The following RBFOX1 variants were observed in gnomAD, a reference collection of about 807,000 sequenced individuals.
RBFOX1 encodes the protein RNA binding fox-1 homolog 1, also known as RNA binding protein fox-1 homolog 1.
In RBFOX1, 8 loss-of-function variants were observed where a neutral mutation model predicts 57.7. That is an observed-to-expected ratio of 0.14 (90% CI 0.08 to 0.25). The LOEUF (loss-of-function observed/expected upper bound fraction) is 0.25. Among genes scored for constraint, RBFOX1 ranks in the 10% least tolerant of loss-of-function variants. The pLI is 1.00. For synonymous variants in RBFOX1, 326 were observed against 222.4 expected (o/e 1.47, Z -4.15); for missense variants, 611 against 548.5 (o/e 1.11, Z -1.14).
intron 2 of RBFOX1, among the ~76,000 whole-genome samples, chr16:5,510,911 A>G (rs761980357): frequency 2.0e-5 from 3 of 152,102 alleles, no homozygotes; most frequent in Non-Finnish European, 4.4e-5. Context: ...CAGGTTGAGA[A>G]CTACTGCTGT....
chr16:5,398,587 T>C (rs1410721216), intron 1 of RBFOX1, among the ~76,000 whole-genome samples: 1 of 151,896 alleles, frequency 6.6e-6, no homozygotes, highest in Non-Finnish European at 1.5e-5. Flanking sequence ...TGTGTGTGTG[T>C]GTTGGGAAGG....
intron 2 of RBFOX1, among the ~76,000 whole-genome samples, chr16:6,642,932 G>C (rs1318008303): frequency 6.6e-6 from 1 of 152,146 alleles, no homozygotes; most frequent in Non-Finnish European, 1.5e-5. Flanking sequence ...TAGTTTACAT[G>C]CGTTGTTTGC....
At chr16:6,749,310 A>G (rs934131690) in intron 3 of RBFOX1, among the ~76,000 whole-genome samples, 14 of 152,164 alleles carry the variant, frequency 9.2e-5, no homozygotes, top group Admixed American at 9.2e-4. Context: ...AAATGAGAGA[A>G]CAGATGCACA....
chr16:6,758,030 T>A lies in RBFOX1; in HGVS notation c.-16+103380T>A, dbSNP rs549798193. On this transcript the variant is annotated intron_variant, in intron 3 of 15. Transcript: ENST00000550418. Reference sequence around the variant, plus strand: ...TCTATTACATTGAACTGTCACACTTTTAAGAAGTCAGTCCAAACTACTATC... The same window carrying A: ...TCTATTACATTGAACTGTCACACTTATAAGAAGTCAGTCCAAACTACTATC... 5.9e-5 allele frequency among the ~76,000 whole-genome samples: 9 copies of A among 152,282 alleles called. No individual in the cohort carries two copies. The South Asian group carries it at 1.9e-3, about 32-fold the overall frequency.
chr16:6,278,095 A>C (rs2076014198), intron 1 of RBFOX1, among the ~76,000 whole-genome samples: 1 of 152,150 alleles, frequency 6.6e-6, no homozygotes, highest in African/African-American at 2.4e-5. Flanking sequence ...TTTTTATGCC[A>C]TATAAATGGG....
chr16:7,292,980 C>CA (rs1334970375), intron 4 of RBFOX1, among the ~76,000 whole-genome samples: 2 of 151,830 alleles, frequency 1.3e-5, no homozygotes, highest in Admixed American at 6.6e-5. Context: ...CTCTGGCTCT[C>CA]AAAAAGAAAA....
chr16:7,090,612 A>T (rs781636666), intron 4 of RBFOX1, among the ~76,000 whole-genome samples: 1 of 152,160 alleles, frequency 6.6e-6, no homozygotes, highest in African/African-American at 2.4e-5. Context: ...AGGTTTTCCT[A>T]TCAAAAATAA....
intron 3 of RBFOX1, among the ~76,000 whole-genome samples, chr16:5,629,155 G>A (rs1218818863): frequency 6.6e-6 from 1 of 152,196 alleles, no homozygotes; most frequent in Non-Finnish European, 1.5e-5. Context: ...AACATATTGA[G>A]AGTACAGGGC....
At chr16:5,558,590 T>A (rs1270563875) in intron 2 of RBFOX1, among the ~76,000 whole-genome samples, 2 of 152,134 alleles carry the variant, frequency 1.3e-5, no homozygotes. Context: ...TTGGTCCCTT[T>A]CCTTTCCTTG....
intron 2 of RBFOX1, among the ~76,000 whole-genome samples, chr16:5,565,666 A>G (rs1327694527): frequency 1.3e-5 from 2 of 148,710 alleles, no homozygotes; most frequent in Non-Finnish European, 3.0e-5. Flanking sequence ...ATAAATAAAT[A>G]AATAATTTGC....
At chr16:5,605,799 C>G (rs1460226907) in intron 3 of RBFOX1, among the ~76,000 whole-genome samples, 3 of 151,838 alleles carry the variant, frequency 2.0e-5, no homozygotes, top group African/African-American at 7.3e-5. Context: ...TAATGTCTTC[C>G]TTGGTATAGG....
At chr16:7,113,362 T>A (rs2065195765) in intron 4 of RBFOX1, among the ~76,000 whole-genome samples, 2 of 152,168 alleles carry the variant, frequency 1.3e-5, no homozygotes, top group Admixed American at 6.5e-5. Flanking sequence ...TTTTTAAGTC[T>A]TTCCGCAGTA....
intron 1 of RBFOX1, among the ~76,000 whole-genome samples, chr16:6,216,734 T>A (rs1009009144): frequency 1.3e-5 from 2 of 152,236 alleles, no homozygotes; most frequent in African/African-American, 4.8e-5. Flanking sequence ...GTTTGTCTCT[T>A]TATTTCCTCT....
intron 1 of RBFOX1, among the ~76,000 whole-genome samples, chr16:6,157,460 A>G (rs1318958418): frequency 6.6e-6 from 1 of 152,156 alleles, no homozygotes; most frequent in East Asian, 1.9e-4. Flanking sequence ...GTTTATCTGA[A>G]GTGCAAATTT....
intron 3 of RBFOX1, among the ~76,000 whole-genome samples, chr16:6,674,993 C>A (rs2057374650): frequency 6.6e-6 from 1 of 152,100 alleles, no homozygotes; most frequent in African/African-American, 2.4e-5. Flanking sequence ...GCAACCTCTG[C>A]CTCCCAGGTT....
intron 4 of RBFOX1, among the ~76,000 whole-genome samples, chr16:5,970,673 A>C (rs918363616): frequency 1.3e-5 from 2 of 152,180 alleles, no homozygotes; most frequent in African/African-American, 2.4e-5. Flanking sequence ...CAGGACTTAG[A>C]CCTGAGTCAT....
At chr16:5,856,229 GTATATATATGTGTATATATA>G (rs2057045657) in intron 3 of RBFOX1, among the ~76,000 whole-genome samples, 2 of 55,060 alleles carry the variant, frequency 3.6e-5, no homozygotes, top group African/African-American at 8.2e-5. Context: ...ATATATATAT[GTATATATATGTGTATATATA>G]TGTATATATA....
At chr16:5,621,445 G>A (rs2048198724) in intron 3 of RBFOX1, among the ~76,000 whole-genome samples, 1 of 152,134 alleles carries the variant, frequency 6.6e-6, no homozygotes. Flanking sequence ...GTGTCGTCTT[G>A]ACAATGCTCT....
chr16:6,507,182 A>T (rs762040503), intron 2 of RBFOX1, among the ~76,000 whole-genome samples: 2 of 152,166 alleles, frequency 1.3e-5, no homozygotes, highest in Non-Finnish European at 2.9e-5. Context: ...TCCTAGCCAG[A>T]CATCCCAAGA....
Sources: gnomAD v4.1 joint callset for allele counts (sites outside exome capture counted in the v4.1 genomes callset) on GRCh38, gnomAD v4.1.1 for gene constraint, MANE v1.5 for transcripts, NCBI Gene and HGNC (gene_info 2026-07-23, HGNC 2026-07-21) for gene names.